CHADL: variants seen among roughly 807,000 people sequenced by gnomAD.
CHADL encodes the protein chondroadherin like.
In CHADL, 48 loss-of-function variants were observed where a neutral mutation model predicts 52.1. The observed-to-expected ratio is 0.92, with a 90% CI of 0.73 to 1.17. The LOEUF (loss-of-function observed/expected upper bound fraction) is 1.17. Ranked by LOEUF, CHADL falls within the 50% of genes most tolerant of loss-of-function variation. CHADL has a pLI of 0.00. For synonymous variants in CHADL, 498 were observed against 511.2 expected, an observed-to-expected ratio of 0.97 and a Z score of 0.35; for missense variants, 977 against 1,035.1, an observed-to-expected ratio of 0.94 and a Z score of 0.77.
At chr22:41,231,043 T>G (rs1275494057) in intron 5 of CHADL, 1 of 152,226 alleles carries the variant, frequency 6.6e-6, no homozygotes, top group Non-Finnish European at 1.5e-5. Context: ...CCAAGATTCC[T>G]TTGTAGTTAA....
chr22:41,232,221 A>C (rs1272197456), intron 5 of CHADL, among the ~76,000 whole-genome samples: 2 of 151,406 alleles, frequency 1.3e-5, no homozygotes, highest in Non-Finnish European at 2.9e-5. Context: ...AATCCCAGCT[A>C]CTCGGGAGGC....
chr22:41,236,954 T>C (rs1278394245), intron 3 of CHADL, among the ~76,000 whole-genome samples: 1 of 152,218 alleles, frequency 6.6e-6, no homozygotes, highest in Non-Finnish European at 1.5e-5. Flanking sequence ...CTCCCTCCTC[T>C]ATGCTCCAGC....
Position 41,236,464 on chromosome 22 carries a change from G to A in CHADL, c.2063+20C>T. 1 of 1,547,756 alleles carries A rather than the reference G, an allele frequency of 6.5e-7. No individual in the cohort carries two copies. Among genetic ancestry groups the A allele is most frequent in the Non-Finnish European group, 8.7e-7 (1 of 1,144,736 alleles). Reference sequence around the variant, plus strand: ...GTGGCTGGGTGGTCTTTGGCTGGAGGTCTAGGTGGGGGTGCCCACCTGTGC... The same window carrying A: ...GTGGCTGGGTGGTCTTTGGCTGGAGATCTAGGTGGGGGTGCCCACCTGTGC... On this transcript the variant is annotated intron_variant, in intron 4 of 5. Coordinates refer to ENST00000216241, the MANE Select transcript of CHADL (RefSeq NM_138481.2).
intron 5 of CHADL, chr22:41,231,225 G>C (rs2032573935): frequency 6.6e-6 from 1 of 152,170 alleles, no homozygotes. Flanking sequence ...ACCTCACTGG[G>C]CTCCCCAGAC....
chr22:41,230,093 C>CCCCA, intron 5 of CHADL: 1 of 965,790 alleles, frequency 1.0e-6, no homozygotes, highest in Non-Finnish European at 1.6e-6. Context: ...CCACCCCTCC[C>CCCCA]AGAGTTATTT....
At chr22:41,230,076 T>TC in intron 5 of CHADL, 7 of 912,378 alleles carry the variant, frequency 7.7e-6, no homozygotes, top group Admixed American at 5.1e-5. Context: ...TCCCAGCTCC[T>TC]CCGCCCCCAC....
At chr22:41,229,969 G>A (rs143574633) in intron 5 of CHADL, among the ~76,000 whole-genome samples, 1 of 152,252 alleles carries the variant, frequency 6.6e-6, no homozygotes, top group East Asian at 1.9e-4. Context: ...CCTGGCTTGG[G>A]GCCTTGGCCC....
At chr22:41,233,094 C>G (rs185577901) in intron 5 of CHADL, among the ~76,000 whole-genome samples, 5 of 152,020 alleles carry the variant, frequency 3.3e-5, no homozygotes, top group African/African-American at 1.2e-4. Flanking sequence ...GAAATAGATT[C>G]CTTACAGAAG....
intron 5 of CHADL, among the ~76,000 whole-genome samples, chr22:41,232,114 C>T (rs1025116812): frequency 2.0e-5 from 3 of 152,160 alleles, no homozygotes; most frequent in South Asian, 4.1e-4. Context: ...GGGCGGATCA[C>T]AAGGTCAGGA....
At chr22:41,230,579 C>T (rs1442680720) in intron 5 of CHADL, 3 of 344,362 alleles carry the variant, frequency 8.7e-6, no homozygotes, top group African/African-American at 2.1e-5. Flanking sequence ...CGACCCGCCA[C>T]GGCCCTCAGT....
At chr22:41,234,672 G>A (rs1308704563) in intron 5 of CHADL, among the ~76,000 whole-genome samples, 1 of 152,034 alleles carries the variant, frequency 6.6e-6, no homozygotes, top group Non-Finnish European at 1.5e-5. Flanking sequence ...TCCTGCCTCA[G>A]CCTCCCAAGT....
intron 5 of CHADL, among the ~76,000 whole-genome samples, chr22:41,233,539 A>C (rs909021801): frequency 2.0e-5 from 3 of 152,186 alleles, no homozygotes; most frequent in African/African-American, 7.2e-5. Flanking sequence ...CATCACGTGA[A>C]GGTTGGGACA....
At chr22:41,240,205 A>G (rs980632381) in intron 1 of CHADL, among the ~76,000 whole-genome samples, 1 of 152,194 alleles carries the variant, frequency 6.6e-6, no homozygotes, top group East Asian at 1.9e-4. Context: ...CTCTCACCTC[A>G]GCCTCTTGAG....
chr22:41,229,955 C>A (rs1211795926), intron 5 of CHADL, among the ~76,000 whole-genome samples: 1 of 152,174 alleles, frequency 6.6e-6, no homozygotes, highest in Non-Finnish European at 1.5e-5. Context: ...GTTGGCATAG[C>A]CTGCCTGGCT....
rs747252817 is a variant in CHADL, at chr22:41,237,520, G to C, written c.1552C>G (p.Arg518Gly). 11 of 1,550,388 alleles carry C rather than the reference G, an allele frequency of 7.1e-6. No homozygotes were observed. The South Asian group carries it at 1.1e-4, about 15-fold the overall frequency. Residue 518 changes from arginine to glycine, a missense_variant, in exon 3 of 6, where the codon CGC becomes GGC. Coordinates refer to ENST00000216241, the MANE Select transcript of CHADL (RefSeq NM_138481.2). ...AGGGAGAAGAGGCTGGGCAGGGCGCGCAGGGCAGCCCCTGGCACCTGCAGG... is the reference window on the plus strand; with the variant it reads ...AGGGAGAAGAGGCTGGGCAGGGCGCCCAGGGCAGCCCCTGGCACCTGCAGG... ...RFLQVPGAAL[R>G]ALPSLFSLHL...
At chr22:41,230,379 T>A in intron 5 of CHADL, 1 of 719,554 alleles carries the variant, frequency 1.4e-6, no homozygotes, top group Non-Finnish European at 2.4e-6. Flanking sequence ...CCCGGTGCTG[T>A]GAAGGCTGGA....
chr22:41,235,389 C>T (rs2032722714), intron 4 of CHADL, 46 bp from the exon 5 acceptor site: 1 of 1,506,708 alleles, frequency 6.6e-7, no homozygotes, highest in Non-Finnish European at 9.0e-7. Flanking sequence ...TGATTCTGCT[C>T]CAGTGGCCTG....
Position 41,237,338 on chromosome 22 carries a change from C to T in CHADL, c.1734G>A (p.Arg578=). ...CAGTGGGCACCTCTCGCAGCTGATT[C>T]CTGTCCAGGTGCAGCTTCTCCAGCT... ...ARELEKLHLD[R]NQLREVPTGA... The change falls in exon 3 of 6, where the codon AGG becomes AGA. Residue 578 remains arginine (R), a synonymous_variant. Coordinates refer to ENST00000216241, the MANE Select transcript of CHADL (RefSeq NM_138481.2). 1.3e-6 allele frequency: 2 copies of T among 1,550,676 alleles called. No individual in the cohort carries two copies. The highest frequency in any genetic ancestry group is 1.2e-5 in the South Asian group (1 of 84,068).
intron 5 of CHADL, among the ~76,000 whole-genome samples, chr22:41,233,320 T>C (rs1489103706): frequency 6.6e-6 from 1 of 151,926 alleles, no homozygotes; most frequent in Admixed American, 6.6e-5. Context: ...AAGTTAGCCA[T>C]GCGTGGTGGC....
Sources: gnomAD v4.1 joint callset for allele counts (sites outside exome capture counted in the v4.1 genomes callset) on GRCh38, gnomAD v4.1.1 for gene constraint, MANE v1.5 for transcripts, NCBI Gene and HGNC (gene_info 2026-07-23, HGNC 2026-07-21) for gene names.